The following UBE3D variants were observed in gnomAD, a reference collection of about 807,000 sequenced individuals.
UBE3D encodes the protein ubiquitin protein ligase E3D.
In UBE3D, 48 loss-of-function variants were observed where a neutral mutation model predicts 49.6. That is an observed-to-expected ratio of 0.97 (90% CI 0.77 to 1.23). The LOEUF (loss-of-function observed/expected upper bound fraction) is 1.23. Ranked by LOEUF, UBE3D falls within the 50% of genes most tolerant of loss-of-function variation. The probability of loss-of-function intolerance (pLI) is 0.00; values close to 1 mark genes in which losing one functional copy is unlikely to be tolerated. For missense variants in UBE3D, 452 were observed against 468.4 expected (o/e 0.96, Z 0.32); for synonymous variants, 189 against 174.2 (o/e 1.08, Z -0.67).
chr6:82,956,404 G>T (rs1347996230), intron 9 of UBE3D, among the ~76,000 whole-genome samples: 1 of 152,142 alleles, frequency 6.6e-6, no homozygotes, highest in Non-Finnish European at 1.5e-5. Context: ...GACTGCGAGG[G>T]AGGCGGGGGG....
At chr6:82,893,187 A>T (rs1771062434) in intron 9 of UBE3D, 145 bp from the exon 10 acceptor site, 4 of 896,094 alleles carry the variant, frequency 4.5e-6, no homozygotes, top group Non-Finnish European at 6.9e-6. Flanking sequence ...GTGGATCTAG[A>T]CATTTTATTT....
chr6:82,940,960 C>T (rs570407098), intron 9 of UBE3D, among the ~76,000 whole-genome samples: 7 of 152,240 alleles, frequency 4.6e-5, no homozygotes, highest in South Asian at 2.1e-4. Context: ...CACCTGTAAT[C>T]GCAGCAATTT....
At chr6:82,985,121 G>C (rs1303297034) in intron 8 of UBE3D, among the ~76,000 whole-genome samples, 1 of 148,732 alleles carries the variant, frequency 6.7e-6, no homozygotes, top group Non-Finnish European at 1.5e-5. Flanking sequence ...AAAATGATGG[G>C]ATTACAAGTG....
intron 9 of UBE3D, among the ~76,000 whole-genome samples, chr6:82,901,811 A>G (rs1464415086): frequency 6.6e-6 from 1 of 152,188 alleles, no homozygotes; most frequent in Non-Finnish European, 1.5e-5. Context: ...CTATTTCCCA[A>G]TATTAATAAA....
intron 8 of UBE3D, among the ~76,000 whole-genome samples, chr6:83,000,897 T>G (rs1407437746): frequency 6.6e-6 from 1 of 151,486 alleles, no homozygotes; most frequent in Non-Finnish European, 1.5e-5. Context: ...CAGACTGAAG[T>G]GCAATGGGGC....
chr6:82,922,343 A>G (rs886991027), intron 9 of UBE3D, among the ~76,000 whole-genome samples: 1 of 152,194 alleles, frequency 6.6e-6, no homozygotes. Flanking sequence ...TTTCAATCTT[A>G]TATAAAGTCT....
chr6:82,926,845 A>C (rs1773788521), intron 9 of UBE3D, among the ~76,000 whole-genome samples: 2 of 152,016 alleles, frequency 1.3e-5, no homozygotes, highest in Non-Finnish European at 2.9e-5. Context: ...CAAAGCAGAA[A>C]TTTTTATTTT....
At chr6:83,027,425 ACTCCGTCTC>A (rs1781544737) in intron 5 of UBE3D, among the ~76,000 whole-genome samples, 1 of 140,146 alleles carries the variant, frequency 7.1e-6, no homozygotes, top group African/African-American at 2.8e-5. Context: ...ACAGAGCGAG[ACTCCGTCTC>A]AAAAAAAAAA....
intron 5 of UBE3D, among the ~76,000 whole-genome samples, chr6:83,034,501 T>A (rs1392987643): frequency 1.3e-5 from 2 of 152,104 alleles, no homozygotes. Flanking sequence ...CCCACCCAAA[T>A]CTCATGTCAA....
intron 8 of UBE3D, among the ~76,000 whole-genome samples, chr6:82,990,861 TC>T (rs1339553663): frequency 3.9e-5 from 6 of 152,194 alleles, no homozygotes; most frequent in African/African-American, 1.4e-4. Context: ...CACAGATTGT[TC>T]CCATGAACTT....
intron 5 of UBE3D, among the ~76,000 whole-genome samples, chr6:83,028,978 C>T (rs930185597): frequency 1.1e-4 from 16 of 152,044 alleles, no homozygotes; most frequent in Non-Finnish European, 1.6e-4. Flanking sequence ...AGAAGTTCAC[C>T]TTAATTGTAT....
chr6:82,960,249 G>A (rs1199121576), intron 8 of UBE3D, among the ~76,000 whole-genome samples: 1 of 152,094 alleles, frequency 6.6e-6, no homozygotes, highest in East Asian at 1.9e-4. Flanking sequence ...TGATTGACTG[G>A]TTCTGCTATT....
intron 9 of UBE3D, among the ~76,000 whole-genome samples, chr6:82,921,027 G>C (rs1405396855): frequency 1.3e-5 from 2 of 150,922 alleles, no homozygotes. Context: ...ACAATCTTAG[G>C]TCACTGCAAC....
At chr6:82,939,091 C>A (rs1774812988) in intron 9 of UBE3D, among the ~76,000 whole-genome samples, 1 of 151,780 alleles carries the variant, frequency 6.6e-6, no homozygotes, top group African/African-American at 2.4e-5. Context: ...GAGTACCATT[C>A]ATAATAATGT....
At chr6:82,940,044 G>A (rs567879966) in intron 9 of UBE3D, among the ~76,000 whole-genome samples, 5 of 152,272 alleles carry the variant, frequency 3.3e-5, no homozygotes, top group Non-Finnish European at 7.4e-5. Context: ...GGCAGGTCAC[G>A]TGGCAGGTAT....
chr6:82,939,458 A>G (rs2127753871), intron 9 of UBE3D, among the ~76,000 whole-genome samples: 2 of 152,380 alleles, frequency 1.3e-5, no homozygotes, highest in South Asian at 4.1e-4. Flanking sequence ...CAGTAGTCTC[A>G]TAAGATTATA....
At chr6:82,989,632 A>AG (rs1435611682) in intron 8 of UBE3D, among the ~76,000 whole-genome samples, 2 of 152,166 alleles carry the variant, frequency 1.3e-5, no homozygotes, top group Non-Finnish European at 2.9e-5. Flanking sequence ...AAATTATAAA[A>AG]GCAGGGCGAG....
In UBE3D at chr6:83,022,437, TA is replaced by T; in HGVS notation, c.846+15del. On this transcript the variant is annotated intron_variant, in intron 7 of 9. Coordinates refer to ENST00000369747, the MANE Select transcript of UBE3D (RefSeq NM_198920.3). The stretch of plus-strand genomic sequence containing the variant: ...GATTCCTAGGCTACAAAAAGCTGGA[TA>T]AAATAATTTCTTACCAAGATATACA... 6.6e-7 allele frequency: 1 copy of T among 1,519,166 alleles called. No homozygotes were observed. The highest frequency in any genetic ancestry group is 1.2e-5 in the South Asian group (1 of 80,108). 94.1% of individuals were successfully genotyped at this position (1,519,166 alleles called of 1,614,324 possible).
At chr6:83,043,378 T>A (rs1338922730) in intron 4 of UBE3D, among the ~76,000 whole-genome samples, 1 of 151,934 alleles carries the variant, frequency 6.6e-6, no homozygotes, top group Non-Finnish European at 1.5e-5. Context: ...ATATAACAAA[T>A]ATATATTAAC....
Sources: gnomAD v4.1 joint callset for allele counts (sites outside exome capture counted in the v4.1 genomes callset) on GRCh38, gnomAD v4.1.1 for gene constraint, MANE v1.5 for transcripts, NCBI Gene and HGNC (gene_info 2026-07-23, HGNC 2026-07-21) for gene names.